The following JCAD variants were observed in gnomAD, a reference collection of about 807,000 sequenced individuals.
The protein encoded by JCAD is junctional cadherin 5 associated.
Under a neutral mutation model 98.0 loss-of-function variants are expected in JCAD, and 40 were observed. The ratio of observed to expected loss-of-function variants is 0.41; its 90% CI spans 0.32 to 0.53. The LOEUF (loss-of-function observed/expected upper bound fraction) is 0.53. Among genes scored for constraint, JCAD ranks in the 20% least tolerant of loss-of-function variants. The pLI, the probability that JCAD is intolerant of heterozygous loss-of-function variation, is 0.31. For synonymous variants in JCAD, 691 were observed against 682.3 expected (o/e 1.01, Z -0.20); for missense variants, 1,705 against 1,738.1 (o/e 0.98, Z 0.34).
At chr10:30,110,617 A>C (rs1167360228) in intron 1 of JCAD, among the ~76,000 whole-genome samples, 1 of 151,274 alleles carries the variant, frequency 6.6e-6, no homozygotes, top group Non-Finnish European at 1.5e-5. Flanking sequence ...CTGATGTGTG[A>C]ACCTCCTGAT....
chr10:30,064,788 C>G (rs902925564), intron 2 of JCAD, among the ~76,000 whole-genome samples: 2 of 152,154 alleles, frequency 1.3e-5, no homozygotes, highest in African/African-American at 4.8e-5. Context: ...TCTCCTGCCT[C>G]AGCCTCCTGA....
At chr10:30,023,161 C>T (rs1836703021) in intron 3 of JCAD, among the ~76,000 whole-genome samples, 1 of 152,024 alleles carries the variant, frequency 6.6e-6, no homozygotes, top group Non-Finnish European at 1.5e-5. Context: ...CCTCAGCCTC[C>T]CAAGTAATTG....
At chr10:30,036,440 G>C (rs1837111751) in intron 2 of JCAD, among the ~76,000 whole-genome samples, 1 of 149,126 alleles carries the variant, frequency 6.7e-6, no homozygotes, top group Admixed American at 6.6e-5. Context: ...TACAGAGCAG[G>C]ACTCCGTCTC....
chr10:30,074,407 C>A (rs1322316349), intron 1 of JCAD, among the ~76,000 whole-genome samples: 1 of 152,184 alleles, frequency 6.6e-6, no homozygotes, highest in Admixed American at 6.5e-5. Flanking sequence ...GGCCTGGCTT[C>A]CATATGTTCC....
chr10:30,086,414 GCTTACTT>G (rs1838168088), intron 1 of JCAD, among the ~76,000 whole-genome samples: 6 of 152,188 alleles, frequency 3.9e-5, no homozygotes, highest in Admixed American at 3.9e-4. Flanking sequence ...CCAGTTGAGA[GCTTACTT>G]CTTTTGGTTT....
chr10:30,020,733 T>A (rs994151322), intron 3 of JCAD, among the ~76,000 whole-genome samples: 1 of 152,210 alleles, frequency 6.6e-6, no homozygotes, highest in African/African-American at 2.4e-5. Context: ...GGGTGCTTCA[T>A]TTCTGTGCTC....
intron 1 of JCAD, among the ~76,000 whole-genome samples, chr10:30,107,704 T>C (rs1217875759): frequency 2.6e-5 from 4 of 152,172 alleles, no homozygotes; most frequent in Admixed American, 2.0e-4. Context: ...TTGCATGAGG[T>C]CCAAGAACCC....
At chr10:30,044,395 G>C (rs1837295365) in intron 2 of JCAD, among the ~76,000 whole-genome samples, 1 of 152,158 alleles carries the variant, frequency 6.6e-6, no homozygotes, top group South Asian at 2.1e-4. Context: ...TTGAGGACTG[G>C]CTCAAAGTGT....
At position 30,029,691 on chromosome 10, in the gene JCAD, G is replaced by T. The variant is rs1347289810; in HGVS notation, c.457C>A (p.Pro153Thr). 2.5e-6 allele frequency: 4 copies of T among 1,614,158 alleles called. No individual in the cohort carries two copies. The highest frequency in any genetic ancestry group is 3.4e-6 in the Non-Finnish European group (4 of 1,180,038). The change falls in exon 3 of 4, where the codon CCA (proline) becomes ACA (threonine). Residue 153 changes from proline (P) to threonine (T), a missense_variant. This residue lies in a region of JCAD where 275 missense variants were observed against 346.9 expected (regional missense o/e 0.79). Coordinates refer to ENST00000375377, the MANE Select transcript of JCAD (RefSeq NM_020848.4). ...TCTGACCTTCCTCCAACTTCCCATG[G>T]ACCCTCCCTCACGTGGACAGGCAGG... is the stretch of plus-strand genomic sequence containing the variant. ...HSLPVHVREG[P>T]WEVGGRSEHV...
chr10:30,111,900 G>A (rs1838708929), intron 1 of JCAD, among the ~76,000 whole-genome samples: 1 of 152,154 alleles, frequency 6.6e-6, no homozygotes, highest in African/African-American at 2.4e-5. Flanking sequence ...AAATAGTTTG[G>A]CAGTTCCTCA....
At chr10:30,019,963 G>A (rs1297909369) in intron 3 of JCAD, among the ~76,000 whole-genome samples, 2 of 150,078 alleles carry the variant, frequency 1.3e-5, no homozygotes, top group African/African-American at 4.9e-5. Flanking sequence ...AGCAAGTCTC[G>A]GCATGGTCAA....
intron 1 of JCAD, among the ~76,000 whole-genome samples, chr10:30,051,068 C>T (rs1260466395): frequency 1.3e-5 from 2 of 152,180 alleles, no homozygotes; most frequent in Non-Finnish European, 2.9e-5. Context: ...TTTAGGTTCA[C>T]TCATCTATAT....
intron 1 of JCAD, among the ~76,000 whole-genome samples, chr10:30,094,879 C>T (rs533186769): frequency 3.3e-5 from 5 of 152,286 alleles, no homozygotes; most frequent in African/African-American, 1.2e-4. Flanking sequence ...TCTTTTCCTC[C>T]TCCTACACTC....
chr10:30,044,720 C>A, intron 2 of JCAD: 3 of 610,094 alleles, frequency 4.9e-6, no homozygotes, highest in Non-Finnish European at 4.1e-6. Flanking sequence ...CTATTGACAC[C>A]TATTTACTTT....
rs781234223 is a variant in JCAD, at chr10:30,027,550, C to T, written c.2598G>A (p.Pro866=). The change falls in exon 3 of 4, where the codon CCG becomes CCA. Residue 866 remains proline, a synonymous_variant. Coordinates refer to ENST00000375377, the MANE Select transcript of JCAD (RefSeq NM_020848.4). ...TGCAGTGAGCACGGTTCTCCTGCTG[C>T]GGCTCCGCCTCACTCTCCTCACTGC... The part of the protein sequence containing the change: ...SSSSEESEAE[P]QQENRAHCRQ... 47 of 1,613,664 alleles carry T rather than the reference C, an allele frequency of 2.9e-5. No homozygotes were observed. Among genetic ancestry groups the T allele is most frequent in the Non-Finnish European group, 3.7e-5 (44 of 1,180,060 alleles).
chr10:30,053,131 T>C, intron 1 of JCAD, among the ~76,000 whole-genome samples: 1 of 152,156 alleles, frequency 6.6e-6, no homozygotes, highest in East Asian at 1.9e-4. Context: ...TATGAGATGA[T>C]TAAAGCTTTT....
At chr10:30,074,951 T>C (rs1837956814) in intron 1 of JCAD, among the ~76,000 whole-genome samples, 1 of 152,186 alleles carries the variant, frequency 6.6e-6, no homozygotes, top group African/African-American at 2.4e-5. Context: ...TGCTGCCATG[T>C]GTGGCTAATT....
chr10:30,073,781 C>T (rs1319261084), intron 1 of JCAD, among the ~76,000 whole-genome samples: 1 of 150,074 alleles, frequency 6.7e-6, no homozygotes, highest in Admixed American at 6.7e-5. Flanking sequence ...TACTGCAAAT[C>T]GTATGTGCCT....
intron 2 of JCAD, among the ~76,000 whole-genome samples, chr10:30,043,805 T>C (rs1007329031): frequency 6.6e-6 from 1 of 152,220 alleles, no homozygotes. Context: ...CCAAGGCATC[T>C]GGCAGCCCGG....
Sources: gnomAD v4.1 joint callset for allele counts (sites outside exome capture counted in the v4.1 genomes callset) on GRCh38, gnomAD v4.1.1 for gene constraint, gnomAD v4.1.1 regional missense constraint, MANE v1.5 for transcripts, NCBI Gene and HGNC (gene_info 2026-07-23, HGNC 2026-07-21) for gene names.